The following XKR7 variants were observed in gnomAD, a reference collection of about 807,000 sequenced individuals.
XKR7 encodes XK related 7.
A neutral mutation model predicts 42.2 loss-of-function variants in XKR7; 11 were observed. The observed-to-expected ratio is 0.26, with a 90% CI of 0.16 to 0.43. The LOEUF is 0.43. XKR7 is among the 20% of genes least tolerant of loss of function. XKR7 has a pLI of 1.00. For missense variants in XKR7, 710 were observed against 802.2 expected (o/e 0.89, Z 1.39); for synonymous variants, 346 against 366.4 (o/e 0.94, Z 0.64).
At position 31,997,377 on chromosome 20, in the gene XKR7, T is replaced by G; in HGVS notation, c.1660T>G (p.Ser554Ala). Residue 554 changes from serine to alanine, a missense_variant, in exon 3 of 3, where the codon TCC (serine) becomes GCC (alanine). By Grantham distance (99) the Ser-to-Ala change is moderately conservative (BLOSUM62 1). This residue lies in a region of XKR7 where 708 missense variants were observed against 786.2 expected (regional missense o/e 0.90). Coordinates refer to ENST00000562532, the MANE Select transcript of XKR7 (RefSeq NM_001011718.2). ...LRKTILALEY[S>A]SPATPRLQYR... ...GAAGACCATCCTGGCACTGGAGTAC[T>G]CCTCACCTGCCACGCCCCGGTTGCA... 2 of 1,601,512 alleles carry G rather than the reference T, an allele frequency of 1.2e-6. No homozygotes were observed. Among genetic ancestry groups the G allele is most frequent in the Middle Eastern group, 1.7e-4 (1 of 6,058 alleles).
chr20:31,975,178 G>C (rs999827230), intron 1 of XKR7, among the ~76,000 whole-genome samples: 2 of 151,954 alleles, frequency 1.3e-5, no homozygotes, highest in African/African-American at 2.4e-5. Context: ...CCTTTGTTAG[G>C]GCATCCAAAT....
chr20:31,996,872 C>T lies in XKR7; in HGVS notation c.1155C>T (p.Thr385=). The stretch of plus-strand genomic sequence containing the variant: ...AGGGCCGCAGCCGCCGCCGCATGAC[C>T]CTCTACCACTGCATCGTCCTGCTGG... ...VKEGRSRRRM[T]LYHCIVLLEN... Residue 385 remains threonine, a synonymous_variant, in exon 3 of 3, where the codon ACC becomes ACT. Transcript: ENST00000562532. 1 of 1,613,886 alleles carries T rather than the reference C, an allele frequency of 6.2e-7. No individual in the cohort carries two copies. The highest frequency in any genetic ancestry group is 8.5e-7 in the Non-Finnish European group (1 of 1,180,008).
chr20:31,995,282 C>G lies in XKR7; in HGVS notation c.787+12C>G. On this transcript the variant is annotated intron_variant, in intron 2 of 2. Transcript: ENST00000562532. The surrounding 1 kb of genome is among the most constrained non-coding windows in gnomAD (Gnocchi z 4.1). ...CGACCTGCTGCCGGGTGAGCCCGCC[C>G]CTTCACCCTCTGCGCCTGGGACCAC... The G allele has an allele frequency of 6.5e-7, 1 of 1,534,164 alleles. No individual in the cohort carries two copies. Among genetic ancestry groups the G allele is most frequent in the Non-Finnish European group, 8.7e-7 (1 of 1,146,064 alleles).
chr20:31,985,739 C>CAGACA (rs1403647057), intron 1 of XKR7, among the ~76,000 whole-genome samples: 4 of 149,484 alleles, frequency 2.7e-5, no homozygotes, highest in African/African-American at 9.9e-5. Flanking sequence ...ATCCAAGACA[C>CAGACA]AGACAGACAG....
intron 1 of XKR7, among the ~76,000 whole-genome samples, chr20:31,988,903 A>T (rs956145843): frequency 6.6e-6 from 1 of 152,124 alleles, no homozygotes; most frequent in African/African-American, 2.4e-5. Context: ...GGAGATGCAC[A>T]CAGATACTCA....
Position 32,003,079 on chromosome 20 carries a change from T to A in XKR7, c.*5622T>A, listed in dbSNP as rs1001872166. 1.9e-4 allele frequency: 29 copies of A among 152,314 alleles called. No homozygotes were observed. Among genetic ancestry groups the A allele is most frequent in the African/African-American group, 7.0e-4 (29 of 41,474 alleles). 9.4% of individuals were successfully genotyped at this position (152,314 alleles called of 1,614,324 possible). ...GAATCACTAGCCATGCCTGAGGGGC[T>A]AATCTCCCTCTGTCAGCACAATTCC... On this transcript the variant is annotated 3_prime_UTR_variant, in exon 3 of 3. Transcript: ENST00000562532.
At chr20:31,982,909 A>C (rs776171476) in intron 1 of XKR7, among the ~76,000 whole-genome samples, 11 of 152,234 alleles carry the variant, frequency 7.2e-5, no homozygotes, top group Non-Finnish European at 1.5e-4. Context: ...CAAGTGCCCA[A>C]CACTGAGCTG....
At chr20:31,975,727 G>A (rs2064481894) in intron 1 of XKR7, among the ~76,000 whole-genome samples, 1 of 143,284 alleles carries the variant, frequency 7.0e-6, no homozygotes, top group Non-Finnish European at 1.5e-5. Flanking sequence ...GAGGGGTGGG[G>A]TCAGGGGAGA....
intron 1 of XKR7, among the ~76,000 whole-genome samples, chr20:31,986,046 C>T: frequency 6.7e-6 from 1 of 148,532 alleles, no homozygotes; most frequent in South Asian, 2.2e-4. Context: ...CCAAGCAGAC[C>T]CAGCATCCAA....
At position 31,996,994 on chromosome 20, in the gene XKR7, C is replaced by A; in HGVS notation, c.1277C>A (p.Ala426Glu). Reference sequence around the variant, plus strand: ...GTCTGCGTAGTGGCCTCCAGCTTTGCGCTGGGCATATTCTTCATGTGTGTC... The same window carrying A: ...GTCTGCGTAGTGGCCTCCAGCTTTGAGCTGGGCATATTCTTCATGTGTGTC... ...IMVCVVASSF[A>E]LGIFFMCVYY... The change falls in exon 3 of 3, where the codon GCG becomes GAG. Residue 426 changes from alanine to glutamate, a missense_variant. Ala to Glu is a moderately radical substitution (Grantham distance 107). Transcript: ENST00000562532. The A allele has an allele frequency of 6.2e-7, 1 of 1,614,112 alleles. No homozygotes were observed. The highest frequency in any genetic ancestry group is 8.5e-7 in the Non-Finnish European group (1 of 1,180,042).
In XKR7 at chr20:32,002,758, G is replaced by A. The variant is rs555040142; in HGVS notation, c.*5301G>A. The A allele has an allele frequency of 6.6e-6, 1 of 152,324 alleles. No homozygotes were observed. The highest frequency in any genetic ancestry group is 6.5e-5 in the Admixed American group (1 of 15,308). The allele number at this position is 152,324 out of a possible 1,614,324, so 9.4% of individuals were successfully genotyped here. ...CTCAAGTCAACTTCTAGGGCTTGAA[G>A]GTGGGGGAATATATGTATTTTATTG... On this transcript the variant is annotated 3_prime_UTR_variant, in exon 3 of 3. Transcript: ENST00000562532.
At chr20:31,991,689 A>G (rs2064571184) in intron 1 of XKR7, among the ~76,000 whole-genome samples, 2 of 152,170 alleles carry the variant, frequency 1.3e-5, no homozygotes, top group African/African-American at 4.8e-5. Context: ...CCCCTTGTCC[A>G]GGCCCAGCAA....
intron 1 of XKR7, among the ~76,000 whole-genome samples, chr20:31,972,236 C>G (rs551273958): frequency 6.6e-6 from 1 of 152,030 alleles, no homozygotes; most frequent in Non-Finnish European, 1.5e-5. Flanking sequence ...AACCCTCCCC[C>G]CTGGTGACTA....
At chr20:31,971,696 T>C (rs926312967) in intron 1 of XKR7, among the ~76,000 whole-genome samples, 2 of 152,252 alleles carry the variant, frequency 1.3e-5, no homozygotes, top group Non-Finnish European at 2.9e-5. Context: ...TCCTCAATTC[T>C]GAATAAAATA....
chr20:31,986,027 G>A (rs1454115525), intron 1 of XKR7, among the ~76,000 whole-genome samples: 1 of 141,928 alleles, frequency 7.0e-6, no homozygotes, highest in Non-Finnish European at 1.5e-5. Context: ...CAGACAGACA[G>A]ACAGACTACC....
intron 1 of XKR7, chr20:31,970,292 T>G (rs2064458890): frequency 6.6e-6 from 1 of 152,236 alleles, no homozygotes; most frequent in African/African-American, 2.4e-5. Flanking sequence ...CAGCCTAAAG[T>G]GGGCCAGATG....
intron 1 of XKR7, among the ~76,000 whole-genome samples, chr20:31,977,895 A>C (rs2064492934): frequency 6.6e-6 from 1 of 152,296 alleles, no homozygotes; most frequent in South Asian, 2.1e-4. Context: ...ATGCTGTATC[A>C]GGGACTCTTG....
intron 1 of XKR7, among the ~76,000 whole-genome samples, chr20:31,988,505 T>C (rs913965868): frequency 2.0e-5 from 3 of 152,184 alleles, no homozygotes; most frequent in African/African-American, 7.2e-5. Flanking sequence ...TTGCTCCCAC[T>C]TGTACACTTT....
chr20:31,996,941 C>T lies in XKR7; in HGVS notation c.1224C>T (p.Phe408=). ...LTGFWYSSRN[F]STDFYSLIMV... is the part of the protein sequence containing the mutation. ...GCTTCTGGTACTCCAGCCGCAACTTCTCAACCGACTTCTACTCGCTCATCA... is the reference window on the plus strand; with the variant it reads ...GCTTCTGGTACTCCAGCCGCAACTTTTCAACCGACTTCTACTCGCTCATCA... Residue 408 remains phenylalanine (F), a synonymous_variant, in exon 3 of 3, where the codon TTC becomes TTT. Transcript: ENST00000562532. 1 of 1,614,160 alleles carries T rather than the reference C, an allele frequency of 6.2e-7. No homozygotes were observed. The highest frequency in any genetic ancestry group is 8.5e-7 in the Non-Finnish European group (1 of 1,180,044).
Sources: gnomAD v4.1 joint callset for allele counts (sites outside exome capture counted in the v4.1 genomes callset) on GRCh38, gnomAD v4.1.1 for gene constraint, gnomAD v4.1.1 regional missense constraint, Gnocchi (gnomAD v3.1) non-coding constraint, MANE v1.5 for transcripts, NCBI Gene and HGNC (gene_info 2026-07-23, HGNC 2026-07-21) for gene names.